Variants in IFI44L observed in about 807,000 individuals in gnomAD.
IFI44L encodes interferon-induced protein 44-like.
IFI44L carries 40 observed loss-of-function variants against 39.3 expected under a neutral mutation model. The observed-to-expected ratio is 1.02, with a 90% CI of 0.79 to 1.33. IFI44L has a LOEUF of 1.33. IFI44L is among the 40% of genes most tolerant of loss of function. The pLI, the probability that IFI44L is intolerant of heterozygous loss-of-function variation, is 0.00. For missense variants in IFI44L, 623 were observed against 549.0 expected, an observed-to-expected ratio of 1.13 and a Z score of -1.35; for synonymous variants, 198 against 182.3, an observed-to-expected ratio of 1.09 and a Z score of -0.69.
At chr1:78,623,600 G>A (rs970783259) in intron 1 of IFI44L, among the ~76,000 whole-genome samples, 1 of 151,992 alleles carries the variant, frequency 6.6e-6, no homozygotes, top group African/African-American at 2.4e-5. Flanking sequence ...TGGAGGGCGA[G>A]AAGTCTCACT....
rs1647009428 is a variant in IFI44L, at chr1:78,643,298, G to A, written c.*1489G>A. The A allele has an allele frequency of 6.6e-6, 1 of 152,094 alleles. No individual in the cohort carries two copies. The highest frequency in any genetic ancestry group is 2.4e-5 in the African/African-American group (1 of 41,446). 9.4% of individuals were successfully genotyped at this position (152,094 alleles called of 1,614,324 possible). On this transcript the variant is annotated 3_prime_UTR_variant, in exon 9 of 9. Transcript: ENST00000370751. ...GGAATAGGAGAACCATGGAAATTGA[G>A]GAGGTAGGCCTACAAGTAGATATTG...
chr1:78,626,901 C>G (rs946537321), intron 1 of IFI44L: 28 of 151,908 alleles, frequency 1.8e-4, no homozygotes, highest in African/African-American at 6.8e-4. Context: ...TTTGTGTACT[C>G]ATAGCTTAGC....
At chr1:78,639,721 G>A (rs1653089797) in intron 6 of IFI44L, among the ~76,000 whole-genome samples, 1 of 152,018 alleles carries the variant, frequency 6.6e-6, no homozygotes. Context: ...ACTCCATTTG[G>A]TCCAGAACTG....
Position 78,645,216 on chromosome 1 carries a change from A to G in IFI44L, c.*3407A>G, listed in dbSNP as rs1384016960. The G allele has an allele frequency of 6.6e-6, 1 of 152,188 alleles. No individual in the cohort carries two copies. The highest frequency in any genetic ancestry group is 2.4e-5 in the African/African-American group (1 of 41,438). The allele number at this position is 152,188 out of a possible 1,614,324, so 9.4% of individuals were successfully genotyped here. A position where few individuals can be genotyped will look rare whatever the true frequency, so the allele number is the denominator to read the frequency against. On this transcript the variant is annotated 3_prime_UTR_variant, in exon 9 of 9. Coordinates refer to ENST00000370751, the MANE Select transcript of IFI44L (RefSeq NM_006820.4). ...TAAATTCGTGGTAAATAACTTAGGA[A>G]CTGCCTCTTCTTTTTCTTTGAAAAC...
chr1:78,630,132 A>G (rs1451025424), intron 4 of IFI44L: 1 of 470,084 alleles, frequency 2.1e-6, no homozygotes, highest in East Asian at 3.7e-5. Context: ...TATAAAGAAT[A>G]CTTTTTAGTA....
At chr1:78,633,213 G>C (rs1652818642) in intron 4 of IFI44L, among the ~76,000 whole-genome samples, 1 of 152,170 alleles carries the variant, frequency 6.6e-6, no homozygotes. Flanking sequence ...GGGGAAAAGA[G>C]GGAAGTGAGC....
At chr1:78,621,968 A>G (rs1364902039) in intron 1 of IFI44L, among the ~76,000 whole-genome samples, 2 of 152,038 alleles carry the variant, frequency 1.3e-5, no homozygotes, top group Admixed American at 1.3e-4. Context: ...TGAAATAGAC[A>G]ATACATTGCT....
intron 6 of IFI44L, among the ~76,000 whole-genome samples, chr1:78,637,491 A>T (rs534141079): frequency 6.6e-6 from 1 of 152,226 alleles, no homozygotes. Flanking sequence ...GATCGAAACC[A>T]GAAAATTGAT....
At position 78,623,339 on chromosome 1, in the gene IFI44L, T is replaced by A. The variant is rs139365212; in HGVS notation, c.-11+2768T>A. On this transcript the variant is annotated intron_variant, in intron 1 of 8. Transcript: ENST00000370751. ...TATGATGTTAACTATGAACTTTTTATACATGTATTTACTATGTTGAGGTAA... is the reference window on the plus strand; with the variant it reads ...TATGATGTTAACTATGAACTTTTTAAACATGTATTTACTATGTTGAGGTAA... Among the ~76,000 whole-genome samples the A allele has an allele frequency of 4.4e-3, 663 of 151,750 alleles. 5 individuals are homozygous for A. The highest frequency in any genetic ancestry group is 0.015 in the African/African-American group (624 of 41,372).
At chr1:78,631,373 T>C (rs1652743098) in intron 4 of IFI44L, 1 of 152,166 alleles carries the variant, frequency 6.6e-6, no homozygotes, top group South Asian at 2.1e-4. Flanking sequence ...TTCTCCTAGA[T>C]AAAAATCTTC....
Position 78,645,913 on chromosome 1 carries a change from C to T in IFI44L, c.*4104C>T, listed in dbSNP as rs947623765. On this transcript the variant is annotated 3_prime_UTR_variant, in exon 9 of 9. Coordinates refer to ENST00000370751, the MANE Select transcript of IFI44L (RefSeq NM_006820.4). ...CACAATCCCACTTCCTTCCTCAACA[C>T]AATTCAAACAAATAGACTCAGACTG... 2 of 152,088 alleles carry T rather than the reference C, an allele frequency of 1.3e-5. No individual in the cohort carries two copies. The highest frequency in any genetic ancestry group is 4.8e-5 in the African/African-American group (2 of 41,392). The allele number at this position is 152,088 out of a possible 1,614,324, so 9.4% of individuals were successfully genotyped here. A position where few individuals can be genotyped will look rare whatever the true frequency, so the allele number is the denominator to read the frequency against.
At chr1:78,625,749 G>A (rs535365612) in intron 1 of IFI44L, 106 of 151,602 alleles carry the variant, frequency 7.0e-4, no homozygotes, top group African/African-American at 2.3e-3. Context: ...TTAATTTTCA[G>A]CCTTTCTCCA....
At position 78,643,597 on chromosome 1, in the gene IFI44L, A is replaced by G. The variant is rs773817428; in HGVS notation, c.*1788A>G. On this transcript the variant is annotated 3_prime_UTR_variant, in exon 9 of 9. Transcript: ENST00000370751. Reference sequence around the variant, plus strand: ...GGGTATAGGGAATGAAATGAAACATACAGAGATGAAAACTGGAAGTTTTTT... The same window carrying G: ...GGGTATAGGGAATGAAATGAAACATGCAGAGATGAAAACTGGAAGTTTTTT... The G allele has an allele frequency of 2.6e-5, 4 of 151,034 alleles. No homozygotes were observed. Among genetic ancestry groups the G allele is most frequent in the Non-Finnish European group, 5.9e-5 (4 of 67,824 alleles). The allele number at this position is 151,034 out of a possible 1,614,324, so 9.4% of individuals were successfully genotyped here.
chr1:78,645,679 C>T lies in IFI44L; in HGVS notation c.*3870C>T, dbSNP rs1647038143. On this transcript the variant is annotated 3_prime_UTR_variant, in exon 9 of 9. Transcript: ENST00000370751. ...CAAAAGCCATGGGAATTTGGAAGCC[C>T]TCAAATCCCATTCCTAATCTGATGA... 6.6e-6 allele frequency: 1 copy of T among 152,152 alleles called. No homozygotes were observed. Among genetic ancestry groups the T allele is most frequent in the African/African-American group, 2.4e-5 (1 of 41,420 alleles). The allele number at this position is 152,152 out of a possible 1,614,324, so 9.4% of individuals were successfully genotyped here.
Position 78,628,022 on chromosome 1 carries a change from G to A in IFI44L, c.107G>A (p.Ser36Asn), listed in dbSNP as rs372837467. ...TATAAGTCTAGTGTTCATGGAGGTAGCATTGAAGATATGGTTGAAAGATGC... is the reference window on the plus strand; with the variant it reads ...TATAAGTCTAGTGTTCATGGAGGTAACATTGAAGATATGGTTGAAAGATGC... Reference protein sequence around the residue: ...LLYKSSVHGGSIEDMVERCSR... With the variant: ...LLYKSSVHGGNIEDMVERCSR... Residue 36 changes from serine (S) to asparagine (N), a missense_variant, in exon 2 of 9, where the codon AGC (serine) becomes AAC (asparagine). Physicochemically the swap from Ser to Asn is conservative, Grantham distance 46. Transcript: ENST00000370751. 17 of 1,613,034 alleles carry A rather than the reference G, an allele frequency of 1.1e-5. No individual in the cohort carries two copies. The highest frequency in any genetic ancestry group is 1.3e-5 in the Non-Finnish European group (15 of 1,179,370).
intron 1 of IFI44L, among the ~76,000 whole-genome samples, chr1:78,623,895 G>A (rs1652384269): frequency 6.6e-6 from 1 of 152,160 alleles, no homozygotes; most frequent in African/African-American, 2.4e-5. Context: ...TCAATGGATT[G>A]GATGATGTCA....
At chr1:78,623,084 C>T (rs958452427) in intron 1 of IFI44L, among the ~76,000 whole-genome samples, 4 of 152,162 alleles carry the variant, frequency 2.6e-5, no homozygotes, top group African/African-American at 7.2e-5. Context: ...ATTACTTTAT[C>T]GGTAGATGCT....
intron 4 of IFI44L, among the ~76,000 whole-genome samples, chr1:78,632,856 A>G (rs945929605): frequency 1.3e-5 from 2 of 152,158 alleles, no homozygotes; most frequent in Non-Finnish European, 2.9e-5. Context: ...TTTTCTGTAA[A>G]TTTTTAAAAA....
intron 1 of IFI44L, chr1:78,627,688 T>G: frequency 3.1e-6 from 1 of 319,158 alleles, no homozygotes; most frequent in Non-Finnish European, 5.6e-6. Context: ...TGTCAATTGA[T>G]TTAAAAATTT....
Sources: gnomAD v4.1 joint callset for allele counts (sites outside exome capture counted in the v4.1 genomes callset) on GRCh38, gnomAD v4.1.1 for gene constraint, MANE v1.5 for transcripts, NCBI Gene and HGNC (gene_info 2026-07-23, HGNC 2026-07-21) for gene names.